Variants in NXPH1 observed in about 807,000 individuals in gnomAD.
NXPH1 encodes the protein neurexophilin 1.
In NXPH1, 5 loss-of-function variants were observed where a neutral mutation model predicts 23.7. The observed-to-expected ratio is 0.21, with a 90% CI of 0.11 to 0.44. NXPH1 has a LOEUF of 0.44. Ranked by LOEUF, NXPH1 falls within the 20% of genes least tolerant of loss-of-function variation. NXPH1 has a pLI of 0.99. For missense variants in NXPH1, 324 were observed against 321.6 expected, an observed-to-expected ratio of 1.01 and a Z score of -0.06; for synonymous variants, 144 against 122.2, an observed-to-expected ratio of 1.18 and a Z score of -1.18.
chr7:8,493,650 G>T (rs578111914), intron 2 of NXPH1, among the ~76,000 whole-genome samples: 1 of 152,122 alleles, frequency 6.6e-6, no homozygotes, highest in South Asian at 2.1e-4. Flanking sequence ...AAAATTAATT[G>T]CCTACTTTTA....
chr7:8,465,548 C>T (rs1401782294), intron 2 of NXPH1, among the ~76,000 whole-genome samples: 1 of 152,112 alleles, frequency 6.6e-6, no homozygotes, highest in Non-Finnish European at 1.5e-5. Context: ...TGCTATTAGG[C>T]TCCCAAGCTA....
intron 2 of NXPH1, among the ~76,000 whole-genome samples, chr7:8,699,555 A>G (rs1779588358): frequency 6.6e-6 from 1 of 152,124 alleles, no homozygotes; most frequent in Non-Finnish European, 1.5e-5. Flanking sequence ...CCATTGTCCA[A>G]CTATCACCAA....
intron 2 of NXPH1, among the ~76,000 whole-genome samples, chr7:8,662,205 T>C (rs924538320): frequency 4.7e-5 from 7 of 149,906 alleles, no homozygotes; most frequent in Admixed American, 4.0e-4. Flanking sequence ...CATATATATA[T>C]ACACACACAT....
In NXPH1 at chr7:8,752,070, C is replaced by T. The variant is rs1780574637; in HGVS notation, c.*301C>T. ...ATTTCAGCTTGCGTCTATCATGATT[C>T]CTGTTGAGAGGGCTTTCATTGTCTG... On this transcript the variant is annotated 3_prime_UTR_variant, in exon 3 of 3. Coordinates refer to ENST00000405863, the MANE Select transcript of NXPH1 (RefSeq NM_152745.3). 1 of 276,840 alleles carries T rather than the reference C, an allele frequency of 3.6e-6. No homozygotes were observed. Among genetic ancestry groups the T allele is most frequent in the East Asian group, 6.2e-5 (1 of 16,200 alleles). 17.1% of individuals were successfully genotyped at this position (276,840 alleles called of 1,614,324 possible).
At position 8,442,792 on chromosome 7, in the gene NXPH1, C is replaced by T. The variant is rs1816324887; in HGVS notation, c.54+7025C>T. ...AACACAGATGCAGCCCTCTCGCGTC[C>T]GGAGCCCAAGTCCCCATGCAAAAGC... On this transcript the variant is annotated intron_variant, in intron 2 of 2. Coordinates refer to ENST00000405863, the MANE Select transcript of NXPH1 (RefSeq NM_152745.3). This position sits in a 1 kb window ranked among gnomAD's most constrained non-coding sequence, Gnocchi z 4.6. Among the ~76,000 whole-genome samples, 1 of 152,196 alleles carries T rather than the reference C, an allele frequency of 6.6e-6. No homozygotes were observed. Among genetic ancestry groups the T allele is most frequent in the African/African-American group, 2.4e-5 (1 of 41,454 alleles).
intron 2 of NXPH1, among the ~76,000 whole-genome samples, chr7:8,587,963 A>T (rs1357684158): frequency 1.3e-5 from 2 of 152,150 alleles, no homozygotes; most frequent in Non-Finnish European, 2.9e-5. Context: ...TTCTCAAAAG[A>T]AGACATCGAT....
intron 2 of NXPH1, among the ~76,000 whole-genome samples, chr7:8,555,711 T>G (rs1670558649): frequency 6.6e-6 from 1 of 151,704 alleles, no homozygotes; most frequent in Non-Finnish European, 1.5e-5. Flanking sequence ...GCAGTTTCCT[T>G]CACAGATCTT....
intron 2 of NXPH1, among the ~76,000 whole-genome samples, chr7:8,556,074 C>T (rs1303617231): frequency 6.6e-6 from 1 of 151,678 alleles, no homozygotes; most frequent in Non-Finnish European, 1.5e-5. Context: ...CGTCCTTCTT[C>T]CCTCCATCCA....
intron 2 of NXPH1, among the ~76,000 whole-genome samples, chr7:8,650,082 G>A (rs1163894671): frequency 1.3e-5 from 2 of 152,114 alleles, no homozygotes; most frequent in Admixed American, 6.5e-5. Context: ...AGTTGTACAA[G>A]AAGGATGCAA....
intron 2 of NXPH1, among the ~76,000 whole-genome samples, chr7:8,709,927 C>T (rs1369406696): frequency 2.0e-5 from 3 of 152,124 alleles, no homozygotes; most frequent in Non-Finnish European, 4.4e-5. Flanking sequence ...ATCCATTGAA[C>T]CAATAGTGGC....
chr7:8,745,099 C>G (rs1015241757), intron 2 of NXPH1, among the ~76,000 whole-genome samples: 1 of 152,196 alleles, frequency 6.6e-6, no homozygotes, highest in Non-Finnish European at 1.5e-5. Context: ...ACGATTTGGC[C>G]GTAGCCTGCC....
chr7:8,613,756 A>C (rs1583193146), intron 2 of NXPH1, among the ~76,000 whole-genome samples: 1 of 151,788 alleles, frequency 6.6e-6, no homozygotes, highest in African/African-American at 2.4e-5. Context: ...TTTTAAGGTA[A>C]CTGGCTATAG....
At chr7:8,640,054 T>C (rs1040176319) in intron 2 of NXPH1, among the ~76,000 whole-genome samples, 4 of 152,300 alleles carry the variant, frequency 2.6e-5, no homozygotes, top group African/African-American at 7.2e-5. Flanking sequence ...AGGAACTCTA[T>C]ACATATTTTA....
chr7:8,669,946 G>A (rs1440666495), intron 2 of NXPH1, among the ~76,000 whole-genome samples: 2 of 152,162 alleles, frequency 1.3e-5, no homozygotes, highest in Admixed American at 6.5e-5. Context: ...GGAAGCCAGG[G>A]AATGAGGACT....
intron 2 of NXPH1, among the ~76,000 whole-genome samples, chr7:8,732,293 A>C (rs979185927): frequency 6.6e-6 from 1 of 152,110 alleles, no homozygotes; most frequent in Non-Finnish European, 1.5e-5. Context: ...TGCAGAAATC[A>C]CCTGTCTTCT....
intron 2 of NXPH1, among the ~76,000 whole-genome samples, chr7:8,499,456 C>T (rs1440639449): frequency 6.6e-6 from 1 of 152,052 alleles, no homozygotes; most frequent in Non-Finnish European, 1.5e-5. Context: ...CTATACCAGC[C>T]TACAAAGGCT....
At chr7:8,464,819 A>C (rs955397055) in intron 2 of NXPH1, among the ~76,000 whole-genome samples, 5 of 152,186 alleles carry the variant, frequency 3.3e-5, no homozygotes, top group Non-Finnish European at 5.9e-5. Flanking sequence ...TCTCCTAAGA[A>C]TTCATATAGC....
intron 2 of NXPH1, among the ~76,000 whole-genome samples, chr7:8,744,151 T>C (rs1780428288): frequency 6.6e-6 from 1 of 152,230 alleles, no homozygotes; most frequent in South Asian, 2.1e-4. Context: ...CCCCTATTTG[T>C]ATATAGTCTC....
At chr7:8,573,089 T>C (rs1818681130) in intron 2 of NXPH1, among the ~76,000 whole-genome samples, 1 of 147,304 alleles carries the variant, frequency 6.8e-6, no homozygotes, top group African/African-American at 2.6e-5. Flanking sequence ...TTCTCTGAGT[T>C]TTTTTTTTTT....
Sources: allele counts gnomAD v4.1 joint callset (sites outside exome capture counted in the v4.1 genomes callset), GRCh38; gene constraint gnomAD v4.1.1; non-coding constraint Gnocchi (gnomAD v3.1); transcripts MANE v1.5; gene names NCBI Gene and HGNC (gene_info 2026-07-23, HGNC 2026-07-21).